The following BRINP3 variants were observed in gnomAD, a reference collection of about 807,000 sequenced individuals.
BRINP3 encodes the protein BMP/retinoic acid-inducible neural-specific protein 3.
BRINP3 carries 19 observed loss-of-function variants against 71.0 expected under a neutral mutation model. The ratio of observed to expected loss-of-function variants is 0.27; its 90% CI spans 0.19 to 0.39. BRINP3 has a LOEUF of 0.39. Ranked by LOEUF, BRINP3 falls within the 10% of genes least tolerant of loss-of-function variation. The probability of loss-of-function intolerance (pLI) is 1.00; values close to 1 mark genes in which losing one functional copy is unlikely to be tolerated. For missense variants in BRINP3, 959 were observed against 940.8 expected (o/e 1.02, Z -0.25); for synonymous variants, 380 against 337.7 (o/e 1.13, Z -1.37).
At chr1:190,141,393 T>C (rs1655417649) in intron 7 of BRINP3, among the ~76,000 whole-genome samples, 1 of 152,076 alleles carries the variant, frequency 6.6e-6, no homozygotes, top group South Asian at 2.1e-4. Flanking sequence ...TTGAGATGTT[T>C]GTTTGTCTGC....
intron 2 of BRINP3, among the ~76,000 whole-genome samples, chr1:190,363,728 G>A (rs1280566827): frequency 6.6e-6 from 1 of 152,116 alleles, no homozygotes; most frequent in Non-Finnish European, 1.5e-5. Flanking sequence ...CTGGGCTAGA[G>A]TAATCGTAGT....
intron 4 of BRINP3, among the ~76,000 whole-genome samples, chr1:190,246,066 G>T (rs896713829): frequency 7.1e-6 from 1 of 141,074 alleles, no homozygotes; most frequent in Admixed American, 7.6e-5. Context: ...ATAAACATAC[G>T]TGTGCATGTG....
rs185057196 is a variant in BRINP3 at position 190,422,308 on chromosome 1, A to G, written c.236+32347T>C. Among the ~76,000 whole-genome samples the G allele has an allele frequency of 1.6e-4, 24 of 151,992 alleles. No homozygotes were observed. The East Asian group carries it at 4.6e-3, about 29-fold the overall frequency. On this transcript the variant is annotated intron_variant, in intron 2 of 7. Coordinates refer to ENST00000367462, the MANE Select transcript of BRINP3 (RefSeq NM_199051.3). Reference sequence around the variant, plus strand: ...AGAATGTGGTCGATTAGTCATTTTCAGCATAGAGATGGTTGACATATTTTG... The same window carrying G: ...AGAATGTGGTCGATTAGTCATTTTCGGCATAGAGATGGTTGACATATTTTG...
chr1:190,281,782 G>T (rs780487703), intron 2 of BRINP3, 32 bp from the exon 3 acceptor site: 2 of 1,582,642 alleles, frequency 1.3e-6, no homozygotes, highest in Non-Finnish European at 1.7e-6. Flanking sequence ...ATTCATAAAT[G>T]CATAATCTAT....
intron 2 of BRINP3, among the ~76,000 whole-genome samples, chr1:190,301,198 C>CTT (rs1664681677): frequency 3.7e-5 from 1 of 26,720 alleles, no homozygotes; most frequent in Non-Finnish European, 9.9e-5. Context: ...TATATATATA[C>CTT]ACATACATAT....
Position 190,291,785 on chromosome 1 carries a change from T to TG in BRINP3, c.237-10036dup, listed in dbSNP as rs1558151147. On this transcript the variant is annotated intron_variant, in intron 2 of 7. Coordinates refer to ENST00000367462, the MANE Select transcript of BRINP3 (RefSeq NM_199051.3). ...ATAAAAATAGAACTACCATATGATT[T>TG]GGCAATCCCACCACTGGGTATATAT... Among the ~76,000 whole-genome samples the TG allele has an allele frequency of 2.6e-5, 4 of 152,130 alleles. No homozygotes were observed. The South Asian group carries it at 8.3e-4, about 31-fold the overall frequency.
At chr1:190,156,822 C>T (rs766419365) in intron 7 of BRINP3, among the ~76,000 whole-genome samples, 3 of 151,972 alleles carry the variant, frequency 2.0e-5, no homozygotes, top group Non-Finnish European at 4.4e-5. Context: ...AATTCTAATG[C>T]AAATATTACA....
At chr1:190,101,553 C>G (rs74721229) in intron 7 of BRINP3, among the ~76,000 whole-genome samples, 214 of 152,112 alleles carry the variant, frequency 1.4e-3, no homozygotes, top group African/African-American at 4.3e-3. Flanking sequence ...TTATGCCTTC[C>G]TTTTTCTTTC....
At chr1:190,287,091 G>A (rs1447223691) in intron 2 of BRINP3, among the ~76,000 whole-genome samples, 2 of 151,924 alleles carry the variant, frequency 1.3e-5, no homozygotes, top group African/African-American at 4.8e-5. Context: ...GCCGACTGTG[G>A]TGGTGTGTGC....
At chr1:190,434,019 C>T (rs914907990) in intron 2 of BRINP3, among the ~76,000 whole-genome samples, 1 of 152,122 alleles carries the variant, frequency 6.6e-6, no homozygotes, top group Non-Finnish European at 1.5e-5. Context: ...GTAAAGACCA[C>T]ACTAGGAGTA....
intron 7 of BRINP3, among the ~76,000 whole-genome samples, chr1:190,111,213 A>G (rs1205944697): frequency 1.4e-5 from 2 of 142,086 alleles, no homozygotes; most frequent in Non-Finnish European, 3.1e-5. Context: ...AAAAAACTTT[A>G]GAACTTTAAT....
chr1:190,359,017 G>C (rs920359085), intron 2 of BRINP3, among the ~76,000 whole-genome samples: 10 of 151,980 alleles, frequency 6.6e-5, no homozygotes, highest in East Asian at 1.9e-4. Context: ...GTTGTGGGGT[G>C]GGGGGAGAGG....
At chr1:190,103,129 T>A (rs1651841899) in intron 7 of BRINP3, among the ~76,000 whole-genome samples, 2 of 152,110 alleles carry the variant, frequency 1.3e-5, no homozygotes, top group South Asian at 4.1e-4. Flanking sequence ...TACTTTACCC[T>A]GTGCCCTGTG....
chr1:190,187,175 T>C (rs4845230), intron 6 of BRINP3, among the ~76,000 whole-genome samples: 18,764 of 152,160 alleles, frequency 0.12, 1,705 homozygotes, highest in South Asian at 0.26. Context: ...ATAAGTCTTT[T>C]TTTGAGAAAT....
At chr1:190,402,432 T>C (rs1007067794) in intron 2 of BRINP3, among the ~76,000 whole-genome samples, 5 of 152,178 alleles carry the variant, frequency 3.3e-5, no homozygotes, top group Non-Finnish European at 7.3e-5. Context: ...TAATAGTAAC[T>C]ATCGGTTTTA....
At chr1:190,207,764 A>G (rs1655639110) in intron 6 of BRINP3, among the ~76,000 whole-genome samples, 2 of 152,170 alleles carry the variant, frequency 1.3e-5, no homozygotes, top group Non-Finnish European at 2.9e-5. Flanking sequence ...CATAATGATA[A>G]TGAACAAATT....
intron 2 of BRINP3, among the ~76,000 whole-genome samples, chr1:190,444,207 C>G (rs1558292066): frequency 7.7e-6 from 1 of 129,748 alleles, no homozygotes; most frequent in Non-Finnish European, 1.6e-5. Flanking sequence ...CCATTGCACT[C>G]CTGCCGGGGC....
At chr1:190,281,468 T>A in intron 3 of BRINP3, 92 bp downstream of exon 3, 1 of 1,171,710 alleles carries the variant, frequency 8.5e-7, no homozygotes, top group East Asian at 2.4e-5. Flanking sequence ...CTATTCATAC[T>A]GTAGCTATCT....
At chr1:190,365,639 TATA>T (rs1393850839) in intron 2 of BRINP3, among the ~76,000 whole-genome samples, 11 of 143,772 alleles carry the variant, frequency 7.7e-5, no homozygotes, top group Admixed American at 5.9e-4. Flanking sequence ...ATAATTGTAA[TATA>T]ATGATATAGT....
Sources: allele counts gnomAD v4.1 joint callset (sites outside exome capture counted in the v4.1 genomes callset), GRCh38; gene constraint gnomAD v4.1.1; transcripts MANE v1.5; gene names NCBI Gene and HGNC (gene_info 2026-07-23, HGNC 2026-07-21).